Variants in SLC12A8 observed in about 807,000 individuals in gnomAD.
The protein encoded by SLC12A8 is cation-chloride cotransporter 9.
SLC12A8 carries 69 observed loss-of-function variants against 75.6 expected under a neutral mutation model. The observed-to-expected ratio is 0.91, with a 90% CI of 0.75 to 1.11. The LOEUF is 1.11. Ranked by LOEUF, SLC12A8 falls within the 50% of genes most tolerant of loss-of-function variation. The pLI, the probability that SLC12A8 is intolerant of heterozygous loss-of-function variation, is 0.00. For synonymous variants in SLC12A8, 365 were observed against 372.8 expected, an observed-to-expected ratio of 0.98 and a Z score of 0.24; for missense variants, 877 against 896.7, an observed-to-expected ratio of 0.98 and a Z score of 0.28.
chr3:125,165,142 G>A (rs1260530063), intron 5 of SLC12A8, among the ~76,000 whole-genome samples: 2 of 152,194 alleles, frequency 1.3e-5, no homozygotes, highest in Non-Finnish European at 2.9e-5. Context: ...ATCATCATGA[G>A]GGTCACATGA....
At position 125,083,757 on chromosome 3, in the gene SLC12A8, T is replaced by G. The variant is rs1938387341; in HGVS notation, c.*133A>C. The G allele has an allele frequency of 1.2e-6, 1 of 864,756 alleles. No homozygotes were observed. Among genetic ancestry groups the G allele is most frequent in the Non-Finnish European group, 1.7e-6 (1 of 588,628 alleles). The allele number at this position is 864,756 out of a possible 1,614,324, so 53.6% of individuals were successfully genotyped here. ...AAAAAGGGAAAAGAAAATGTAGATT[T>G]CCATTGTCCAAAGTGACAGCGGGAG... On this transcript the variant is annotated 3_prime_UTR_variant, in exon 14 of 14. Transcript: ENST00000469902.
At chr3:125,147,725 T>A (rs545690252) in intron 5 of SLC12A8, among the ~76,000 whole-genome samples, 11 of 152,270 alleles carry the variant, frequency 7.2e-5, no homozygotes, top group Non-Finnish European at 4.4e-5. Flanking sequence ...GGAGAAAGGA[T>A]GCTGCTGCTC....
intron 6 of SLC12A8, among the ~76,000 whole-genome samples, chr3:125,130,070 C>T (rs979013991): frequency 6.6e-6 from 1 of 152,130 alleles, no homozygotes; most frequent in Non-Finnish European, 1.5e-5. Flanking sequence ...AAGCAGGTCC[C>T]CTAAGAGGGG....
chr3:125,139,581 C>T (rs1435255472), intron 5 of SLC12A8, among the ~76,000 whole-genome samples: 1 of 152,190 alleles, frequency 6.6e-6, no homozygotes, highest in Non-Finnish European at 1.5e-5. Context: ...GGGCCTGGGT[C>T]TCTTTCCCAC....
intron 2 of SLC12A8, among the ~76,000 whole-genome samples, chr3:125,198,501 C>T (rs1046376602): frequency 3.9e-5 from 6 of 151,934 alleles, no homozygotes; most frequent in East Asian, 1.9e-4. Flanking sequence ...GGTGTGGTGG[C>T]GGATGCCTGT....
At chr3:125,097,012 A>T (rs545005204) in intron 10 of SLC12A8, among the ~76,000 whole-genome samples, 2 of 152,306 alleles carry the variant, frequency 1.3e-5, no homozygotes, top group South Asian at 2.1e-4. Context: ...ATAATTATTT[A>T]AAAAATTGTT....
chr3:125,173,629 A>G (rs1279179314), intron 5 of SLC12A8, among the ~76,000 whole-genome samples: 1 of 152,190 alleles, frequency 6.6e-6, no homozygotes, highest in Non-Finnish European at 1.5e-5. Flanking sequence ...CCAAGGCATG[A>G]TCCACGGAAA....
At chr3:125,155,946 C>T (rs535975024) in intron 5 of SLC12A8, among the ~76,000 whole-genome samples, 9 of 151,928 alleles carry the variant, frequency 5.9e-5, no homozygotes, top group African/African-American at 2.2e-4. Flanking sequence ...TTTCCCTTCA[C>T]ATCCCTAGAC....
At chr3:125,120,926 C>G (rs1933041482) in intron 6 of SLC12A8, 2 of 688,508 alleles carry the variant, frequency 2.9e-6, no homozygotes, top group Non-Finnish European at 5.2e-6. Context: ...GCCCTCCCAG[C>G]TCCAAAAGCA....
chr3:125,084,385 GC>G (rs750340168), intron 13 of SLC12A8, among the ~76,000 whole-genome samples: 190 of 151,660 alleles, frequency 1.3e-3, no homozygotes, highest in South Asian at 3.3e-3. Flanking sequence ...GCTTTTCTTT[GC>G]CTTTTTTTTT....
intron 5 of SLC12A8, among the ~76,000 whole-genome samples, chr3:125,166,788 A>G (rs1177143452): frequency 6.6e-6 from 1 of 152,246 alleles, no homozygotes; most frequent in East Asian, 1.9e-4. Flanking sequence ...AAATTGCACA[A>G]TCATTCACTC....
At chr3:125,203,513 T>C (rs1237868872) in intron 2 of SLC12A8, among the ~76,000 whole-genome samples, 5 of 152,174 alleles carry the variant, frequency 3.3e-5, no homozygotes, top group Non-Finnish European at 7.3e-5. Context: ...CAATAAATGG[T>C]ACTAGGAAAA....
At chr3:125,138,177 G>A (rs563251324) in intron 5 of SLC12A8, among the ~76,000 whole-genome samples, 3 of 152,320 alleles carry the variant, frequency 2.0e-5, no homozygotes, top group South Asian at 2.1e-4. Context: ...CGAGGCAGGT[G>A]GATCACTTGA....
chr3:125,188,416 A>T (rs1934838971), intron 3 of SLC12A8, among the ~76,000 whole-genome samples: 1 of 152,206 alleles, frequency 6.6e-6, no homozygotes, highest in Non-Finnish European at 1.5e-5. Flanking sequence ...ACTAATACGG[A>T]GCAGGATCAT....
chr3:125,144,218 T>C (rs190925772), intron 5 of SLC12A8, among the ~76,000 whole-genome samples: 54 of 152,324 alleles, frequency 3.5e-4, no homozygotes, highest in Non-Finnish European at 6.5e-4. Flanking sequence ...TTCCGCTGCA[T>C]ACCACTCATT....
chr3:125,190,564 A>T, intron 2 of SLC12A8, 43 bp from the exon 3 acceptor site: 1 of 1,606,400 alleles, frequency 6.2e-7, no homozygotes, highest in Non-Finnish European at 8.5e-7. Flanking sequence ...GGCCATTGGG[A>T]GGGCCAGGGA....
intron 6 of SLC12A8, chr3:125,123,441 A>G (rs904672128): frequency 2.0e-5 from 3 of 151,650 alleles, no homozygotes; most frequent in Non-Finnish European, 4.4e-5. Flanking sequence ...ACCACACAGC[A>G]TCTCTTCATA....
In SLC12A8 at chr3:125,211,445, C is replaced by A; in HGVS notation, c.-45-51G>T. On this transcript the variant is annotated intron_variant, in intron 1 of 13. Transcript: ENST00000469902. ...AGGCTGGCTTCTCCTCTCCTCTCCC[C>A]TTGTTGTCCATCCTTTCTCTCTACT... 5 of 953,394 alleles carry A rather than the reference C, an allele frequency of 5.2e-6. No individual in the cohort carries two copies. In the East Asian group the frequency reaches 1.2e-4, roughly 23 times the overall value. The allele number at this position is 953,394 out of a possible 1,614,324, so 59.1% of individuals were successfully genotyped here. A position where few individuals can be genotyped will look rare whatever the true frequency, so the allele number is the denominator to read the frequency against.
intron 3 of SLC12A8, among the ~76,000 whole-genome samples, chr3:125,189,375 G>A (rs1934863247): frequency 6.6e-6 from 1 of 152,170 alleles, no homozygotes; most frequent in Admixed American, 6.5e-5. Context: ...TCTACACCTT[G>A]AATGGCCTCC....
Sources: gnomAD v4.1 joint callset for allele counts (sites outside exome capture counted in the v4.1 genomes callset) on GRCh38, gnomAD v4.1.1 for gene constraint, MANE v1.5 for transcripts, NCBI Gene and HGNC (gene_info 2026-07-23, HGNC 2026-07-21) for gene names.